Variants in HYDIN observed in about 807,000 individuals in gnomAD.
HYDIN encodes the protein axonemal central pair apparatus protein HYDIN.
HYDIN carries 132 observed loss-of-function variants against 403.9 expected under a neutral mutation model. That is an observed-to-expected ratio of 0.33 (90% CI 0.28 to 0.38). HYDIN has a LOEUF of 0.38. Ranked by LOEUF, HYDIN falls within the 10% of genes least tolerant of loss-of-function variation. The probability of loss-of-function intolerance (pLI) is 1.00; values close to 1 mark genes in which losing one functional copy is unlikely to be tolerated. For missense variants in HYDIN, 2,827 were observed against 5,009.5 expected (o/e 0.56, Z 13.15); for synonymous variants, 1,202 against 1,891.7 (o/e 0.64, Z 9.46).
intron 1 of HYDIN, among the ~76,000 whole-genome samples, chr16:71,210,937 A>G (rs895604725): frequency 5.9e-5 from 9 of 152,144 alleles, no homozygotes; most frequent in African/African-American, 2.2e-4. Flanking sequence ...GTCAGTTAGC[A>G]CCAAGGTATA....
At chr16:71,218,393 G>A (rs977254015) in intron 1 of HYDIN, among the ~76,000 whole-genome samples, 2 of 152,174 alleles carry the variant, frequency 1.3e-5, no homozygotes, top group African/African-American at 4.8e-5. Context: ...TAATCTACTG[G>A]AATCCACACA....
In HYDIN at chr16:71,018,376, C is replaced by A; in HGVS notation, c.3397G>T (p.Asp1133Tyr). The A allele has an allele frequency of 4.0e-6, 2 of 499,998 alleles. No individual in the cohort carries two copies. The highest frequency in any genetic ancestry group is 3.4e-6 in the Non-Finnish European group (1 of 290,018). The allele number at this position is 499,998 out of a possible 1,614,324, so 31.0% of individuals were successfully genotyped here. A position where few individuals can be genotyped will look rare whatever the true frequency, so the allele number is the denominator to read the frequency against. The change falls in exon 23 of 86, where the codon GAT (aspartate) becomes TAT (tyrosine). Residue 1133 changes from aspartate (D) to tyrosine (Y), a missense_variant. Transcript: ENST00000393567. ...LIKFDPSYRNDLNNWVAEEIL... is the reference protein window; with the variant it reads ...LIKFDPSYRNYLNNWVAEEIL... Reference sequence around the variant, plus strand: ...TCTTCTGCCACCCAGTTGTTCAGATCGTTTCTGTAGGAAGGGTCAAACTTG... The same window carrying A: ...TCTTCTGCCACCCAGTTGTTCAGATAGTTTCTGTAGGAAGGGTCAAACTTG...
intron 58 of HYDIN, among the ~76,000 whole-genome samples, chr16:70,887,905 G>A (rs998301097): frequency 1.3e-5 from 2 of 152,180 alleles, no homozygotes; most frequent in African/African-American, 4.8e-5. Flanking sequence ...GGATGGTCTC[G>A]ATCCCCTGAC....
At chr16:70,922,746 C>T (rs554580515) in intron 45 of HYDIN, among the ~76,000 whole-genome samples, 1 of 148,380 alleles carries the variant, frequency 6.7e-6, no homozygotes, top group East Asian at 2.0e-4. Flanking sequence ...ATATCTAAAA[C>T]AGTTTGGAAG....
intron 3 of HYDIN, among the ~76,000 whole-genome samples, chr16:71,180,406 A>G (rs2086849436): frequency 6.6e-6 from 1 of 152,104 alleles, no homozygotes; most frequent in Non-Finnish European, 1.5e-5. Context: ...CCAAACCCAG[A>G]TAGCTTTACA....
Position 71,098,412 on chromosome 16 carries a change from C to T in HYDIN, c.1328-4477G>A, listed in dbSNP as rs1166146464. ...AGAAACGGGGCTTCACCGTGTTAGC[C>T]AGGATGGTCTCGATCTCCCAACCTC... On this transcript the variant is annotated intron_variant, in intron 10 of 85. Transcript: ENST00000393567. Among the ~76,000 whole-genome samples, 5 of 151,800 alleles carry T rather than the reference C, an allele frequency of 3.3e-5. No individual in the cohort carries two copies. In the East Asian group the frequency reaches 9.7e-4, roughly 29 times the overall value.
At chr16:71,083,825 G>A (rs111732841) in intron 12 of HYDIN, among the ~76,000 whole-genome samples, 5 of 141,630 alleles carry the variant, frequency 3.5e-5, no homozygotes, top group African/African-American at 5.3e-5. Context: ...TATGCTACCC[G>A]CTCTTTAGTC....
chr16:70,819,463 C>A (rs2036082927), intron 83 of HYDIN, among the ~76,000 whole-genome samples: 2 of 147,818 alleles, frequency 1.4e-5, no homozygotes, highest in South Asian at 4.4e-4. Flanking sequence ...AGTATCTTGC[C>A]CAAGGTCACA....
chr16:71,135,277 T>C (rs1184674691), intron 8 of HYDIN, among the ~76,000 whole-genome samples: 1 of 151,972 alleles, frequency 6.6e-6, no homozygotes, highest in South Asian at 2.1e-4. Flanking sequence ...ATTAAAGAGA[T>C]AGGGGTGTGA....
intron 45 of HYDIN, among the ~76,000 whole-genome samples, chr16:70,931,224 T>G (rs961376174): frequency 1.5e-5 from 2 of 131,006 alleles, no homozygotes; most frequent in African/African-American, 5.6e-5. Flanking sequence ...TTTTTTTTTT[T>G]TTTTTTTTTT....
chr16:71,100,321 C>A (rs953103982), intron 10 of HYDIN, among the ~76,000 whole-genome samples: 4 of 152,200 alleles, frequency 2.6e-5, no homozygotes, highest in Non-Finnish European at 4.4e-5. Flanking sequence ...TTTCTCCCAA[C>A]AGATTTATAT....
At chr16:71,168,044 A>G (rs1233977967) in intron 5 of HYDIN, among the ~76,000 whole-genome samples, 31 of 152,042 alleles carry the variant, frequency 2.0e-4, no homozygotes, top group Non-Finnish European at 3.7e-4. Flanking sequence ...CCGGCTGGGC[A>G]CAGTGGCTCA....
chr16:70,885,479 G>A lies in HYDIN; in HGVS notation c.9775-1355C>T, dbSNP rs557517564. ...GCATGATGTTGTCTCAAAGGAGCAA[G>A]GTCATAGTGAGGGCAAAGAACAGCT... On this transcript the variant is annotated intron_variant, in intron 58 of 85. Coordinates refer to ENST00000393567, the MANE Select transcript of HYDIN (RefSeq NM_001270974.2). Among the ~76,000 whole-genome samples the A allele has an allele frequency of 8.6e-5, 13 of 151,950 alleles. No individual in the cohort carries two copies. The East Asian group carries it at 2.5e-3, about 29-fold the overall frequency.
At chr16:70,832,806 G>T (rs2037101925) in intron 80 of HYDIN, 42 bp downstream of exon 80, 7 of 1,546,772 alleles carry the variant, frequency 4.5e-6, no homozygotes, top group Non-Finnish European at 6.2e-6. Flanking sequence ...ACTTGCTGGG[G>T]TCACTCCTGC....
At chr16:70,854,132 G>C (rs542891715) in intron 73 of HYDIN, among the ~76,000 whole-genome samples, 2 of 151,710 alleles carry the variant, frequency 1.3e-5, no homozygotes, top group East Asian at 2.0e-4. Flanking sequence ...CACCCGCCTT[G>C]ACCTCCCAAA....
At chr16:71,052,430 T>C (rs1313933817) in intron 18 of HYDIN, among the ~76,000 whole-genome samples, 1 of 152,034 alleles carries the variant, frequency 6.6e-6, no homozygotes, top group Non-Finnish European at 1.5e-5. Flanking sequence ...GACGAATGGC[T>C]TTCTTCATGA....
intron 47 of HYDIN, among the ~76,000 whole-genome samples, chr16:70,911,890 G>T (rs1476047301): frequency 6.0e-5 from 9 of 149,120 alleles, no homozygotes; most frequent in African/African-American, 2.3e-4. Context: ...AAGAGGTTGA[G>T]TTATTGATTT....
At chr16:70,870,469 C>T (rs968932040) in intron 65 of HYDIN, among the ~76,000 whole-genome samples, 3 of 151,530 alleles carry the variant, frequency 2.0e-5, no homozygotes, top group Non-Finnish European at 4.4e-5. Context: ...AGCTCTGCAT[C>T]CCAGCCACTC....
chr16:70,947,690 T>A (rs11075823), intron 41 of HYDIN, among the ~76,000 whole-genome samples: 2 of 152,050 alleles, frequency 1.3e-5, no homozygotes, highest in Non-Finnish European at 2.9e-5. Flanking sequence ...AAACCATGAG[T>A]GAACTCCCAT....
Sources: gnomAD v4.1 joint callset for allele counts (sites outside exome capture counted in the v4.1 genomes callset) on GRCh38, gnomAD v4.1.1 for gene constraint, MANE v1.5 for transcripts, NCBI Gene and HGNC (gene_info 2026-07-23, HGNC 2026-07-21) for gene names.